SPON1: variants seen among roughly 807,000 people sequenced by gnomAD.
SPON1 encodes the protein spondin 1, also known as spondin-1.
SPON1 carries 52 observed loss-of-function variants against 111.7 expected under a neutral mutation model. The observed-to-expected ratio is 0.47, with a 90% CI of 0.37 to 0.59. The LOEUF is 0.59. Among genes scored for constraint, SPON1 ranks in the 20% least tolerant of loss-of-function variants. The pLI, the probability that SPON1 is intolerant of heterozygous loss-of-function variation, is 0.00. For missense variants in SPON1, 957 were observed against 1,068.5 expected (o/e 0.90, Z 1.46); for synonymous variants, 410 against 395.8 (o/e 1.04, Z -0.43).
chr11:14,158,210 C>T (rs1351725272), intron 6 of SPON1, among the ~76,000 whole-genome samples: 1 of 152,112 alleles, frequency 6.6e-6, no homozygotes, highest in Non-Finnish European at 1.5e-5. Context: ...GGCTCTTTTA[C>T]TTATGGTTCA....
At chr11:14,200,559 A>G (rs1564929749) in intron 6 of SPON1, among the ~76,000 whole-genome samples, 2 of 152,106 alleles carry the variant, frequency 1.3e-5, no homozygotes, top group Non-Finnish European at 2.9e-5. Flanking sequence ...AAAGTTATAT[A>G]AAGGATTCAT....
chr11:14,081,106 T>C (rs1352982018), intron 5 of SPON1, among the ~76,000 whole-genome samples: 1 of 151,944 alleles, frequency 6.6e-6, no homozygotes, highest in African/African-American at 2.4e-5. Context: ...AATCTTTTCA[T>C]AACATTGTTA....
At chr11:14,160,246 G>C (rs1847894102) in intron 6 of SPON1, among the ~76,000 whole-genome samples, 1 of 147,132 alleles carries the variant, frequency 6.8e-6, no homozygotes, top group Non-Finnish European at 1.5e-5. Flanking sequence ...GTTACATCCT[G>C]ATAAACTCAG....
intron 5 of SPON1, among the ~76,000 whole-genome samples, chr11:14,081,478 TC>T (rs1848961667): frequency 6.6e-6 from 1 of 152,120 alleles, no homozygotes; most frequent in Admixed American, 6.5e-5. Context: ...GAGAGAGATG[TC>T]ATGATTTGCC....
rs782102708 is a variant in SPON1, at chr11:14,265,572, G to A, written c.2309G>A (p.Cys770Tyr). The A allele has an allele frequency of 6.2e-7, 1 of 1,613,772 alleles. No individual in the cohort carries two copies. The highest frequency in any genetic ancestry group is 8.5e-7 in the Non-Finnish European group (1 of 1,179,818). Residue 770 changes from cysteine to tyrosine, a missense_variant, in exon 16 of 16, where the codon TGC becomes TAC. Physicochemically the swap from Cys to Tyr is radical, Grantham distance 194 (BLOSUM62 -2). Around this residue, in one of 5 missense-constraint regions of SPON1, gnomAD observed 549 missense variants for 606.2 expected, o/e 0.91. Transcript: ENST00000576479. The part of the protein sequence containing the change: ...WTAWSECTKL[C>Y]GGGIQERYMT... ...GCCTGGTCAGAATGCACCAAACTGT[G>A]CGGAGGTGGAATTCAGGAACGTTAC... is the stretch of plus-strand genomic sequence containing the variant.
chr11:14,105,641 T>A (rs1176575642), intron 5 of SPON1, among the ~76,000 whole-genome samples: 6 of 152,152 alleles, frequency 3.9e-5, no homozygotes, highest in Admixed American at 2.6e-4. Flanking sequence ...TGACAAACAT[T>A]TTCAATGGTT....
At chr11:14,116,915 AGTCTT>A (rs1849271074) in intron 5 of SPON1, among the ~76,000 whole-genome samples, 2 of 152,138 alleles carry the variant, frequency 1.3e-5, no homozygotes, top group South Asian at 4.2e-4. Context: ...GTGGATAAGA[AGTCTT>A]GTTCACTTTT....
At chr11:14,069,924 T>C (rs1848862203) in intron 3 of SPON1, among the ~76,000 whole-genome samples, 1 of 152,152 alleles carries the variant, frequency 6.6e-6, no homozygotes, top group Non-Finnish European at 1.5e-5. Context: ...GGGCCCACTG[T>C]CTTGGGCTTC....
chr11:14,260,653 G>C lies in SPON1; in HGVS notation c.1897G>C (p.Gly633Arg). 6.2e-7 allele frequency: 1 copy of C among 1,613,972 alleles called. No homozygotes were observed. Among genetic ancestry groups the C allele is most frequent in the Non-Finnish European group, 8.5e-7 (1 of 1,179,888 alleles). The change falls in exon 14 of 16, where the codon GGC becomes CGC. Residue 633 changes from glycine to arginine, a missense_variant. Gly to Arg is a moderately radical substitution (Grantham distance 125). This residue lies in a region of SPON1 where 549 missense variants were observed against 606.2 expected (regional missense o/e 0.91). Transcript: ENST00000576479. ...TGACTGCAGCGTGACCTGCGGGAAGGGCATGCGAACCCGACAGCGGATGCT... is the reference window on the plus strand; with the variant it reads ...TGACTGCAGCGTGACCTGCGGGAAGCGCATGCGAACCCGACAGCGGATGCT... ...WSDCSVTCGK[G>R]MRTRQRMLKS...
At position 14,267,017 on chromosome 11, in the gene SPON1, T is replaced by C. The variant is rs1295576597; in HGVS notation, c.*1330T>C. 2 of 152,252 alleles carry C rather than the reference T, an allele frequency of 1.3e-5. No homozygotes were observed. Among genetic ancestry groups the C allele is most frequent in the Non-Finnish European group, 2.9e-5 (2 of 68,062 alleles). 9.4% of individuals were successfully genotyped at this position (152,252 alleles called of 1,614,324 possible). ...TTCCTGCATTTATTGTTGAAAACTA[T>C]TGTTTCATTTCTTCTTTTATAGGCC... On this transcript the variant is annotated 3_prime_UTR_variant, in exon 16 of 16. Coordinates refer to ENST00000576479, the MANE Select transcript of SPON1 (RefSeq NM_006108.4).
At chr11:14,108,295 T>C (rs12361614) in intron 5 of SPON1, among the ~76,000 whole-genome samples, 3,498 of 152,212 alleles carry the variant, frequency 0.023, 58 homozygotes, top group Middle Eastern at 0.037. Context: ...GTGTTAGCTA[T>C]GGCTATAATG....
chr11:14,040,574 T>C (rs1848624430), intron 2 of SPON1, among the ~76,000 whole-genome samples: 1 of 152,166 alleles, frequency 6.6e-6, no homozygotes, highest in South Asian at 2.1e-4. Context: ...TTGAGGTACT[T>C]CATTCCTTTT....
intron 5 of SPON1, among the ~76,000 whole-genome samples, chr11:14,088,803 C>A (rs190914533): frequency 3.3e-5 from 5 of 151,950 alleles, no homozygotes; most frequent in Non-Finnish European, 5.9e-5. Flanking sequence ...CATATACTCC[C>A]ATATTTCTTA....
At chr11:14,187,894 G>A (rs1310799010) in intron 6 of SPON1, among the ~76,000 whole-genome samples, 1 of 152,096 alleles carries the variant, frequency 6.6e-6, no homozygotes, top group Non-Finnish European at 1.5e-5. Flanking sequence ...CAATTCTCCT[G>A]CCTCAGCCTC....
chr11:14,037,307 T>G (rs1369070659), intron 2 of SPON1, among the ~76,000 whole-genome samples: 1 of 151,254 alleles, frequency 6.6e-6, no homozygotes, highest in African/African-American at 2.4e-5. Context: ...CAGAGAAGAG[T>G]AAGGAGATAA....
At chr11:13,988,919 G>T (rs1554910759) in intron 2 of SPON1, among the ~76,000 whole-genome samples, 4 of 152,144 alleles carry the variant, frequency 2.6e-5, no homozygotes, top group African/African-American at 9.7e-5. Flanking sequence ...TGGTGGATAA[G>T]CTTTTTGATG....
chr11:14,140,778 T>G (rs1300755732), intron 6 of SPON1, among the ~76,000 whole-genome samples: 1 of 152,080 alleles, frequency 6.6e-6, no homozygotes, highest in Non-Finnish European at 1.5e-5. Context: ...GACTTTGTAT[T>G]TTCTTCTCCT....
At chr11:14,137,949 C>T (rs1220023283) in intron 6 of SPON1, among the ~76,000 whole-genome samples, 1 of 152,112 alleles carries the variant, frequency 6.6e-6, no homozygotes, top group Non-Finnish European at 1.5e-5. Context: ...TTGTTCCCCG[C>T]AAGCACACAA....
At chr11:14,183,972 A>G (rs1224650279) in intron 6 of SPON1, among the ~76,000 whole-genome samples, 2 of 152,204 alleles carry the variant, frequency 1.3e-5, no homozygotes, top group African/African-American at 4.8e-5. Flanking sequence ...GTGAAATGCT[A>G]TACATATGTT....
Sources: allele counts gnomAD v4.1 joint callset (sites outside exome capture counted in the v4.1 genomes callset), GRCh38; gene constraint gnomAD v4.1.1; regional missense constraint gnomAD v4.1.1; transcripts MANE v1.5; gene names NCBI Gene and HGNC (gene_info 2026-07-23, HGNC 2026-07-21).